The following XPO6 variants were observed in gnomAD, a reference collection of about 807,000 sequenced individuals.
The protein encoded by XPO6 is exportin 6, also known as exportin-6.
In XPO6, 3 loss-of-function variants were observed where a neutral mutation model predicts 130.0. That is an observed-to-expected ratio of 0.02 (90% CI 0.01 to 0.06). The LOEUF (loss-of-function observed/expected upper bound fraction) is 0.06. Among genes scored for constraint, XPO6 ranks in the 10% least tolerant of loss-of-function variants. The pLI is 1.00. For missense variants in XPO6, 970 were observed against 1,393.0 expected (o/e 0.70, Z 4.83); for synonymous variants, 524 against 548.9 (o/e 0.95, Z 0.63).
intron 14 of XPO6, among the ~76,000 whole-genome samples, chr16:28,119,504 T>TA (rs1567601796): frequency 6.6e-6 from 1 of 152,170 alleles, no homozygotes; most frequent in Non-Finnish European, 1.5e-5. Flanking sequence ...GACATGCTTT[T>TA]AAAAAAATTA....
In XPO6 at chr16:28,132,766, C is replaced by T. The variant is rs75802583; in HGVS notation, c.1537-363G>A. On this transcript the variant is annotated intron_variant, in intron 11 of 23. Coordinates refer to ENST00000304658, the MANE Select transcript of XPO6 (RefSeq NM_015171.4). The surrounding 1 kb of genome is among the most constrained non-coding windows in gnomAD (Gnocchi z 4.0). ...CTAGAACTCTGAGAAGGGACCATAT[C>T]TCCCTTCAAATCCAAGGGAACCTCT... 0.05 allele frequency among the ~76,000 whole-genome samples: 7,106 copies of T among 143,118 alleles called. 242 individuals are homozygous for T. Among genetic ancestry groups the T allele is most frequent in the South Asian group, 0.093 (423 of 4,562 alleles). 93.9% of individuals were successfully genotyped at this position (143,118 alleles called of 152,430 possible). A position where few individuals can be genotyped will look rare whatever the true frequency, so the allele number is the denominator to read the frequency against.
At chr16:28,189,874 C>T (rs1376529062) in intron 1 of XPO6, among the ~76,000 whole-genome samples, 2 of 152,212 alleles carry the variant, frequency 1.3e-5, no homozygotes, top group African/African-American at 4.8e-5. Context: ...TCTAAAACTA[C>T]CATAAAGTTG....
At chr16:28,168,181 G>A (rs1282422748) in intron 5 of XPO6, among the ~76,000 whole-genome samples, 1 of 152,080 alleles carries the variant, frequency 6.6e-6, no homozygotes, top group Admixed American at 6.6e-5. Context: ...ATTTAGTTGG[G>A]GTGTCAAAAA....
Position 28,206,139 on chromosome 16 carries a change from TACACAC to T in XPO6, c.3+5221_3+5226del, listed in dbSNP as rs138219018. Among the ~76,000 whole-genome samples the T allele has an allele frequency of 4.4e-3, 629 of 142,834 alleles. 4 individuals carry two copies. Among genetic ancestry groups the T allele is most frequent in the African/African-American group, 0.013 (531 of 39,470 alleles). The allele number at this position is 142,834 out of a possible 152,430, so 93.7% of individuals were successfully genotyped here. A position where few individuals can be genotyped will look rare whatever the true frequency, so the allele number is the denominator to read the frequency against. ...AAGATGCCTGGCATATAGAAAGCAA[TACACAC>T]ACACACACACACACACACACACATA... On this transcript the variant is annotated intron_variant, in intron 1 of 23. Transcript: ENST00000304658.
At chr16:28,170,203 A>G (rs958697412) in intron 4 of XPO6, among the ~76,000 whole-genome samples, 2 of 151,942 alleles carry the variant, frequency 1.3e-5, no homozygotes, top group Non-Finnish European at 2.9e-5. Flanking sequence ...GTGGTGGTGC[A>G]TGCCTACAAT....
intron 7 of XPO6, chr16:28,153,920 G>A (rs776031900): frequency 7.1e-6 from 7 of 985,272 alleles, no homozygotes; most frequent in South Asian, 4.7e-5. Flanking sequence ...ATCTCCCTGA[G>A]GGTGGCCAGC....
chr16:28,111,107 G>C (rs1285215039), intron 17 of XPO6: 1 of 152,122 alleles, frequency 6.6e-6, no homozygotes, highest in Non-Finnish European at 1.5e-5. Context: ...AATCTTCCTA[G>C]TTATAAAAGT....
intron 4 of XPO6, among the ~76,000 whole-genome samples, chr16:28,170,782 C>G (rs1045283779): frequency 6.6e-6 from 1 of 152,174 alleles, no homozygotes; most frequent in African/African-American, 2.4e-5. Flanking sequence ...GTTGCTGTTT[C>G]TATCACGTGT....
chr16:28,155,901 C>G (rs2141825294), intron 7 of XPO6, 173 bp downstream of exon 7: 1 of 1,399,252 alleles, frequency 7.1e-7, no homozygotes, highest in East Asian at 2.6e-5. Context: ...CCCTTAACCA[C>G]CCAAGCCCTT....
At chr16:28,209,397 T>C (rs1467863354) in intron 1 of XPO6, among the ~76,000 whole-genome samples, 2 of 152,148 alleles carry the variant, frequency 1.3e-5, no homozygotes, top group Non-Finnish European at 2.9e-5. Context: ...CTCAGCACTT[T>C]GGGAGGCCGA....
intron 11 of XPO6, among the ~76,000 whole-genome samples, chr16:28,133,324 G>GT (rs1225640904): frequency 6.7e-6 from 1 of 148,596 alleles, no homozygotes; most frequent in Non-Finnish European, 1.5e-5. Context: ...GGGAGACAGC[G>GT]TGAGACTCCG....
intron 13 of XPO6, among the ~76,000 whole-genome samples, chr16:28,125,175 C>G (rs2087363321): frequency 6.6e-6 from 1 of 152,112 alleles, no homozygotes; most frequent in Admixed American, 6.5e-5. Context: ...TGGAGGCTAC[C>G]CAGCTTTCAC....
chr16:28,112,775 G>T (rs972852833), intron 16 of XPO6, 129 bp downstream of exon 16: 4 of 1,231,106 alleles, frequency 3.2e-6, no homozygotes, highest in Non-Finnish European at 3.3e-6. Context: ...CACACAATAA[G>T]AAATCTGTCT....
intron 9 of XPO6, among the ~76,000 whole-genome samples, chr16:28,144,710 T>C (rs928041357): frequency 6.6e-6 from 1 of 152,216 alleles, no homozygotes; most frequent in South Asian, 2.1e-4. Flanking sequence ...GGAAAGAGTA[T>C]TCACTAACAC....
chr16:28,193,240 T>C (rs1222585939), intron 1 of XPO6, among the ~76,000 whole-genome samples: 2 of 152,202 alleles, frequency 1.3e-5, no homozygotes, highest in African/African-American at 2.4e-5. Flanking sequence ...TAAGTATCCC[T>C]GCAAATATAG....
At chr16:28,166,689 TGAAC>T (rs1466406620) in intron 5 of XPO6, 104 bp from the exon 6 acceptor site, 2 of 1,516,898 alleles carry the variant, frequency 1.3e-6, no homozygotes, top group African/African-American at 2.8e-5. Context: ...CATGAGTACT[TGAAC>T]ATCCCTTTCT....
chr16:28,166,543 G>C lies in XPO6; in HGVS notation c.608C>G (p.Ala203Gly). ...TGAGGTCGGGGATGGTGGTGGAGTG[G>C]CAGCAGTAACACTGTGTTTGTCCCA... ...TVWDKHSVTA[A>G]TPPPSPTSGE... is the part of the protein sequence containing the mutation. The change falls in exon 6 of 24, where the codon GCC (alanine) becomes GGC (glycine). Residue 203 changes from alanine to glycine, a missense_variant. Coordinates refer to ENST00000304658, the MANE Select transcript of XPO6 (RefSeq NM_015171.4). 6.3e-7 allele frequency: 1 copy of C among 1,593,392 alleles called. No homozygotes were observed.
chr16:28,166,798 T>C, intron 5 of XPO6: 3 of 985,404 alleles, frequency 3.0e-6, no homozygotes, highest in Non-Finnish European at 3.6e-6. Context: ...TGGTGTGGCC[T>C]CTCCCCACTG....
rs1364404274 is a variant in XPO6, at chr16:28,132,511, A to G, written c.1537-108T>C. ...ACGTAACTATGGTGTGAGGAACAGG[A>G]TCAAAACCTTTTCTCTGGGAACCTT... On this transcript the variant is annotated intron_variant, in intron 11 of 23. Transcript: ENST00000304658. The surrounding 1 kb of genome is among the most constrained non-coding windows in gnomAD (Gnocchi z 4.0). 2 of 728,286 alleles carry G rather than the reference A, an allele frequency of 2.7e-6. No homozygotes were observed. Among genetic ancestry groups the G allele is most frequent in the Non-Finnish European group, 4.4e-6 (2 of 451,906 alleles). 45.1% of individuals were successfully genotyped at this position (728,286 alleles called of 1,614,324 possible).
Sources: gnomAD v4.1 joint callset for allele counts (sites outside exome capture counted in the v4.1 genomes callset) on GRCh38, gnomAD v4.1.1 for gene constraint, Gnocchi (gnomAD v3.1) non-coding constraint, MANE v1.5 for transcripts, NCBI Gene and HGNC (gene_info 2026-07-23, HGNC 2026-07-21) for gene names.